The following COMMD10 variants were observed in gnomAD, a reference collection of about 807,000 sequenced individuals.
The protein encoded by COMMD10 is COMM domain-containing protein 10.
COMMD10 carries 33 observed loss-of-function variants against 28.9 expected under a neutral mutation model. The observed-to-expected ratio is 1.14, with a 90% CI of 0.87 to 1.53. The LOEUF is 1.53. COMMD10 is among the 40% of genes most tolerant of loss of function. The probability of loss-of-function intolerance (pLI) is 0.00; values close to 1 mark genes in which losing one functional copy is unlikely to be tolerated. For missense variants in COMMD10, 310 were observed against 233.4 expected (o/e 1.33, Z -2.14); for synonymous variants, 110 against 81.7 (o/e 1.35, Z -1.87).
chr5:116,114,409 A>G (rs1463762592), intron 4 of COMMD10, among the ~76,000 whole-genome samples: 8 of 152,060 alleles, frequency 5.3e-5, no homozygotes, highest in Middle Eastern at 3.4e-3. Flanking sequence ...AGTGATTGCA[A>G]TTGGCTGTGT....
chr5:116,231,701 G>A (rs1042668142), intron 5 of COMMD10, among the ~76,000 whole-genome samples: 1 of 151,958 alleles, frequency 6.6e-6, no homozygotes, highest in East Asian at 1.9e-4. Context: ...AAATGCTTTT[G>A]CTCTTTTAAA....
At chr5:116,270,699 G>T (rs1443552359) in intron 5 of COMMD10, among the ~76,000 whole-genome samples, 1 of 151,772 alleles carries the variant, frequency 6.6e-6, no homozygotes, top group Non-Finnish European at 1.5e-5. Context: ...CACTTTGGGA[G>T]GCCGAGGTGG....
At chr5:116,243,910 C>A (rs186964808) in intron 5 of COMMD10, among the ~76,000 whole-genome samples, 1 of 152,080 alleles carries the variant, frequency 6.6e-6, no homozygotes, top group South Asian at 2.1e-4. Flanking sequence ...AAATACTATC[C>A]CCACTCCCCA....
chr5:116,117,481 A>G (rs568505858), intron 4 of COMMD10, among the ~76,000 whole-genome samples: 1 of 151,826 alleles, frequency 6.6e-6, no homozygotes, highest in East Asian at 1.9e-4. Flanking sequence ...TTTGTTTTTG[A>G]GGTAGGGTCT....
chr5:116,134,937 C>G (rs1203795506), intron 5 of COMMD10, among the ~76,000 whole-genome samples: 1 of 151,974 alleles, frequency 6.6e-6, no homozygotes, highest in Admixed American at 6.6e-5. Context: ...TTTTTTTATA[C>G]CACAGGATTT....
At chr5:116,275,665 A>G (rs1315545574) in intron 5 of COMMD10, among the ~76,000 whole-genome samples, 1 of 151,828 alleles carries the variant, frequency 6.6e-6, no homozygotes, top group Non-Finnish European at 1.5e-5. Flanking sequence ...CATGTTCTGT[A>G]TAAATCAAAG....
intron 5 of COMMD10, among the ~76,000 whole-genome samples, chr5:116,255,446 C>G (rs972795496): frequency 1.3e-5 from 2 of 151,648 alleles, no homozygotes; most frequent in Admixed American, 1.3e-4. Flanking sequence ...CTGGTTGTTC[C>G]TTTCCGTGTT....
intron 5 of COMMD10, among the ~76,000 whole-genome samples, chr5:116,281,039 G>C (rs1318398196): frequency 6.6e-6 from 1 of 151,726 alleles, no homozygotes; most frequent in Non-Finnish European, 1.5e-5. Flanking sequence ...TCTATCTCCT[G>C]ATTTTCTAGT....
chr5:116,204,261 G>A (rs931494489), intron 5 of COMMD10, among the ~76,000 whole-genome samples: 2 of 152,152 alleles, frequency 1.3e-5, no homozygotes, highest in South Asian at 2.1e-4. Context: ...TGACCTACAA[G>A]GAGACTTAGA....
chr5:116,130,830 A>G (rs1053062037), intron 4 of COMMD10, among the ~76,000 whole-genome samples: 3 of 152,024 alleles, frequency 2.0e-5, no homozygotes, highest in African/African-American at 7.2e-5. Context: ...TCCTTTTGTC[A>G]GATGGCTTTC....
intron 5 of COMMD10, among the ~76,000 whole-genome samples, chr5:116,212,183 G>T (rs147565315): frequency 3.9e-5 from 6 of 152,056 alleles, no homozygotes; most frequent in Admixed American, 3.9e-4. Flanking sequence ...GTAACTTAGC[G>T]TAATATAAAT....
chr5:116,110,052 C>T (rs1430503580), intron 4 of COMMD10, among the ~76,000 whole-genome samples: 2 of 152,220 alleles, frequency 1.3e-5, no homozygotes, highest in African/African-American at 4.8e-5. Context: ...TTCTTCTATG[C>T]CCAGTTTGTT....
intron 5 of COMMD10, among the ~76,000 whole-genome samples, chr5:116,155,829 A>G (rs1210512078): frequency 6.6e-6 from 1 of 152,078 alleles, no homozygotes; most frequent in Admixed American, 6.6e-5. Flanking sequence ...CCTTTATATT[A>G]GGAGCATTAA....
chr5:116,285,697 T>A (rs1751202069), intron 5 of COMMD10, among the ~76,000 whole-genome samples: 1 of 151,980 alleles, frequency 6.6e-6, no homozygotes, highest in East Asian at 1.9e-4. Context: ...ATTGTAGAAA[T>A]AAATACTACT....
At chr5:116,177,749 T>A (rs72804864) in intron 5 of COMMD10, among the ~76,000 whole-genome samples, 1 of 152,142 alleles carries the variant, frequency 6.6e-6, no homozygotes, top group East Asian at 1.9e-4. Flanking sequence ...TTAAAACTTA[T>A]ATGCTACCTT....
intron 5 of COMMD10, among the ~76,000 whole-genome samples, chr5:116,170,554 C>CTG (rs1561645940): frequency 6.6e-6 from 1 of 152,124 alleles, no homozygotes; most frequent in African/African-American, 2.4e-5. Flanking sequence ...AAGAACAAAG[C>CTG]TGGAGGCATC....
At chr5:116,125,926 A>G (rs930723055) in intron 4 of COMMD10, among the ~76,000 whole-genome samples, 3 of 152,162 alleles carry the variant, frequency 2.0e-5, no homozygotes, top group Admixed American at 6.5e-5. Context: ...AGTTCTGGCC[A>G]GGCCAAGCAG....
At chr5:116,214,604 C>T (rs1749052352) in intron 5 of COMMD10, among the ~76,000 whole-genome samples, 1 of 151,984 alleles carries the variant, frequency 6.6e-6, no homozygotes, top group Non-Finnish European at 1.5e-5. Context: ...CCTTCAAAAC[C>T]AGGCAATTAA....
chr5:116,288,796 T>C (rs1023023129), intron 5 of COMMD10, among the ~76,000 whole-genome samples: 1 of 151,552 alleles, frequency 6.6e-6, no homozygotes, highest in African/African-American at 2.4e-5. Context: ...TTTTATAGTT[T>C]CTGTGTTTTT....
Sources: allele counts gnomAD v4.1 joint callset (sites outside exome capture counted in the v4.1 genomes callset), GRCh38; gene constraint gnomAD v4.1.1; transcripts MANE v1.5; gene names NCBI Gene and HGNC (gene_info 2026-07-23, HGNC 2026-07-21).